Variants in KLF8 observed in about 807,000 individuals in gnomAD.
KLF8 encodes KLF transcription factor 8.
In KLF8, 10 loss-of-function variants were observed where a neutral mutation model predicts 18.2. The ratio of observed to expected loss-of-function variants is 0.55; its 90% CI spans 0.34 to 0.93. KLF8 has a LOEUF of 0.93. Among genes scored for constraint, KLF8 ranks in the 40% least tolerant of loss-of-function variants. The pLI is 0.02. For missense variants in KLF8, 264 were observed against 277.9 expected, an observed-to-expected ratio of 0.95 and a Z score of 0.36; for synonymous variants, 109 against 97.3, an observed-to-expected ratio of 1.12 and a Z score of -0.71.
At chrX:56,159,854 A>T in the KLF8 span, among the ~76,000 whole-genome samples, 1 of 110,945 alleles carries the variant, frequency 9.0e-6, no homozygotes, top group African/African-American at 3.3e-5. Context: ...GGATTCATTG[A>T]TTTTTTGAAG....
At chrX:56,137,143 T>G in the KLF8 span, among the ~76,000 whole-genome samples, 1 of 109,627 alleles carries the variant, frequency 9.1e-6, no homozygotes, top group Non-Finnish European at 1.9e-5. Flanking sequence ...AGGAACACTT[T>G]TACACTGTTG....
At chrX:56,049,474 G>A in the KLF8 span, among the ~76,000 whole-genome samples, 21 of 109,867 alleles carry the variant, frequency 1.9e-4, no homozygotes, top group Admixed American at 1.8e-3. Context: ...TTTTTAGCAT[G>A]AAGGGTTGTT....
the KLF8 span, among the ~76,000 whole-genome samples, chrX:56,073,660 C>T: frequency 5.4e-5 from 6 of 111,404 alleles, no homozygotes; most frequent in Non-Finnish European, 7.5e-5. Context: ...ACTTATTTTC[C>T]ATGTTTTTTG....
At chrX:56,021,961 CAA>C in the KLF8 span, among the ~76,000 whole-genome samples, 18 of 76,891 alleles carry the variant, frequency 2.3e-4, no homozygotes, top group Admixed American at 7.3e-4. Context: ...GAGAATAGAG[CAA>C]AAAAAAAAAA....
intron 2 of KLF8, among the ~76,000 whole-genome samples, chrX:56,255,259 T>A (rs1462638528): frequency 3.5e-5 from 4 of 112,891 alleles, no homozygotes; most frequent in African/African-American, 1.3e-4. Flanking sequence ...TTAGTTTGAT[T>A]TTCTATACTG....
chrX:56,076,793 C>G, the KLF8 span, among the ~76,000 whole-genome samples: 3 of 111,864 alleles, frequency 2.7e-5, no homozygotes, highest in African/African-American at 9.8e-5. Context: ...CACATCCTCT[C>G]CAGCACATGT....
chrX:56,137,977 A>G, the KLF8 span, among the ~76,000 whole-genome samples: 1 of 104,683 alleles, frequency 9.6e-6, no homozygotes, highest in Non-Finnish European at 2.0e-5. Flanking sequence ...TCAAGATAAA[A>G]AAGAGAATAT....
chrX:55,940,670 C>T, the KLF8 span, among the ~76,000 whole-genome samples: 4 of 111,639 alleles, frequency 3.6e-5, no homozygotes, highest in Admixed American at 1.9e-4. Context: ...GATAAGCAAC[C>T]TCAGAAAAGT....
the KLF8 span, among the ~76,000 whole-genome samples, chrX:56,117,503 A>G: frequency 3.7e-5 from 4 of 108,662 alleles, no homozygotes; most frequent in Non-Finnish European, 7.6e-5. Context: ...TCTCTGGGGG[A>G]AAAAAAAACA....
the KLF8 span, among the ~76,000 whole-genome samples, chrX:56,052,219 C>G: frequency 9.0e-6 from 1 of 110,920 alleles, no homozygotes; most frequent in Non-Finnish European, 1.9e-5. Flanking sequence ...TTTGAATGTC[C>G]TCCCATAGCT....
chrX:56,061,986 C>CTTTTTTTTTTTT, the KLF8 span, among the ~76,000 whole-genome samples: 2 of 57,121 alleles, frequency 3.5e-5, no homozygotes, highest in African/African-American at 2.7e-4. Context: ...GCAACCCCTG[C>CTTTTTTTTTTTT]TTTTTTTTTT....
In KLF8 at chrX:56,288,424, C is replaced by CT. The variant is rs2067290928; in HGVS notation, c.*3931dup. The stretch of plus-strand genomic sequence containing the variant: ...GTCAGTTGTCTTTCTCATGATTAGA[C>CT]TGAGGTTATGAGTTTTTGAAAGTAG... On this transcript the variant is annotated 3_prime_UTR_variant, in exon 6 of 6. Coordinates refer to ENST00000468660, the MANE Select transcript of KLF8 (RefSeq NM_007250.5). Among the ~76,000 whole-genome samples, 2 of 110,946 alleles carry CT rather than the reference C, an allele frequency of 1.8e-5. No individual in the cohort carries two copies. The highest frequency in any genetic ancestry group is 3.8e-5 in the Non-Finnish European group (2 of 53,020).
At chrX:56,057,137 G>A in the KLF8 span, among the ~76,000 whole-genome samples, 3 of 111,861 alleles carry the variant, frequency 2.7e-5, no homozygotes, top group African/African-American at 9.8e-5. Flanking sequence ...TGATGGTGGT[G>A]GTGTTGGCAT....
At chrX:56,015,689 GCAGTGGAGGAAGGGTAGAATACCAC>G in the KLF8 span, among the ~76,000 whole-genome samples, 181 of 111,922 alleles carry the variant, frequency 1.6e-3, 1 homozygote, top group Middle Eastern at 0.018. Context: ...CATACAGACT[GCAGTGGAGGAAGGGTAGAATACCAC>G]CAGGGAAAAG....
chrX:56,097,939 A>C, the KLF8 span, among the ~76,000 whole-genome samples: 1 of 109,771 alleles, frequency 9.1e-6, no homozygotes, highest in South Asian at 3.9e-4. Flanking sequence ...CTAGTTCTTG[A>C]CTCCTCCAAA....
chrX:56,036,168 A>T, the KLF8 span, among the ~76,000 whole-genome samples: 24 of 111,745 alleles, frequency 2.1e-4, no homozygotes, highest in Admixed American at 1.2e-3. Flanking sequence ...TTTGATACAT[A>T]TGATGTATAG....
At chrX:55,994,103 G>A in the KLF8 span, among the ~76,000 whole-genome samples, 2 of 109,552 alleles carry the variant, frequency 1.8e-5, no homozygotes, top group Non-Finnish European at 1.9e-5. Flanking sequence ...GTAGAGACAG[G>A]GTTTCACCGC....
At chrX:56,213,314 C>CTTTTTTTTTTTTTTTTTTT in the KLF8 span, among the ~76,000 whole-genome samples, 1 of 12,009 alleles carries the variant, frequency 8.3e-5, no homozygotes, top group Non-Finnish European at 1.6e-4. Flanking sequence ...CTTTTCTTTT[C>CTTTTTTTTTTTTTTTTTTT]TTTTTTTTTT....
the KLF8 span, among the ~76,000 whole-genome samples, chrX:55,943,419 G>C: frequency 9.0e-6 from 1 of 111,222 alleles, no homozygotes; most frequent in Non-Finnish European, 1.9e-5. Context: ...ACATTTAAAA[G>C]TCTGGTAGAT....
Sources: allele counts gnomAD v4.1 joint callset (sites outside exome capture counted in the v4.1 genomes callset), GRCh38; gene constraint gnomAD v4.1.1; transcripts MANE v1.5; gene names NCBI Gene and HGNC (gene_info 2026-07-23, HGNC 2026-07-21).